The following SNAP47 variants were observed in gnomAD, a reference collection of about 807,000 sequenced individuals.
The protein encoded by SNAP47 is synaptosome associated protein 47, also known as synaptosomal-associated protein 47.
SNAP47 carries 20 observed loss-of-function variants against 31.4 expected under a neutral mutation model. The observed-to-expected ratio is 0.64, with a 90% CI of 0.45 to 0.93. SNAP47 has a LOEUF of 0.93. Among genes scored for constraint, SNAP47 ranks in the 40% least tolerant of loss-of-function variants. SNAP47 has a pLI of 0.00. For synonymous variants in SNAP47, 194 were observed against 213.4 expected, an observed-to-expected ratio of 0.91 and a Z score of 0.79; for missense variants, 492 against 528.5, an observed-to-expected ratio of 0.93 and a Z score of 0.68.
intron 4 of SNAP47, chr1:227,777,249 A>G (rs1664217099): frequency 5.8e-6 from 2 of 347,042 alleles, no homozygotes; most frequent in Non-Finnish European, 8.1e-6. Context: ...TGATCACATC[A>G]CAACCAGGGT....
At chr1:227,765,423 T>C (rs571771309) in intron 3 of SNAP47, among the ~76,000 whole-genome samples, 1 of 152,326 alleles carries the variant, frequency 6.6e-6, no homozygotes, top group Admixed American at 6.5e-5. Context: ...TCTTCCAGCC[T>C]AGCTTGGCCT....
chr1:227,731,701 GA>G (rs1660659116), upstream of SNAP47: 1 of 154,044 alleles, frequency 6.5e-6, no homozygotes, highest in Admixed American at 6.4e-5. Context: ...GCATCCTTGG[GA>G]AGACCCAGCT....
At chr1:227,743,028 G>C (rs955018919) in intron 1 of SNAP47, among the ~76,000 whole-genome samples, 4 of 152,172 alleles carry the variant, frequency 2.6e-5, no homozygotes, top group African/African-American at 9.7e-5. Context: ...CTGGGCCCTT[G>C]CTGTGACCCT....
upstream of SNAP47, chr1:227,735,428 G>C: frequency 7.2e-6 from 11 of 1,532,060 alleles, no homozygotes; most frequent in Admixed American, 4.0e-5. Context: ...GGCTCGCCGC[G>C]GTCTTCACTG....
At chr1:227,733,682 C>A, upstream of SNAP47, 1 of 1,600,032 alleles carries the variant, frequency 6.2e-7, no homozygotes, top group Non-Finnish European at 8.5e-7. Flanking sequence ...GAACGGGGAC[C>A]TGCGGCAGCA....
At chr1:227,767,184 A>G (rs1325282274) in intron 4 of SNAP47, 101 bp downstream of exon 4, 10 of 1,517,264 alleles carry the variant, frequency 6.6e-6, no homozygotes, top group Admixed American at 2.0e-5. Flanking sequence ...TGGGTCATCC[A>G]TCCGTATTGG....
chr1:227,750,541 C>T (rs1347331871), intron 2 of SNAP47, among the ~76,000 whole-genome samples: 1 of 152,240 alleles, frequency 6.6e-6, no homozygotes, highest in East Asian at 1.9e-4. Context: ...CAAGCTGGGA[C>T]TGGCCCTCTG....
intron 3 of SNAP47, among the ~76,000 whole-genome samples, chr1:227,761,275 T>G (rs1663043679): frequency 6.6e-6 from 1 of 152,210 alleles, no homozygotes; most frequent in Non-Finnish European, 1.5e-5. Context: ...TCCAGATGGC[T>G]TCAAGTTTCG....
upstream of SNAP47, chr1:227,732,970 ACATGTTGG>A (rs751642644): frequency 1.9e-6 from 3 of 1,613,300 alleles, no homozygotes; most frequent in Non-Finnish European, 2.5e-6. Context: ...AAGAAGCGCC[ACATGTTGG>A]CCAGGTTGAA....
Position 227,751,575 on chromosome 1 carries a change from A to T in SNAP47, c.497+3342A>T, listed in dbSNP as rs550451407. Reference sequence around the variant, plus strand: ...GGCCTTTGCCCACGCCGGTCCCTTCAGGTGCAGGCAGCCTTGGTGCCTTCC... The same window carrying T: ...GGCCTTTGCCCACGCCGGTCCCTTCTGGTGCAGGCAGCCTTGGTGCCTTCC... On this transcript the variant is annotated intron_variant, in intron 2 of 4. Coordinates refer to ENST00000617596, the MANE Select transcript of SNAP47 (RefSeq NM_053052.4). Among the ~76,000 whole-genome samples the T allele has an allele frequency of 2.6e-5, 4 of 152,288 alleles. No homozygotes were observed. In the South Asian group the frequency reaches 8.3e-4, roughly 32 times the overall value.
intron 4 of SNAP47, among the ~76,000 whole-genome samples, chr1:227,769,537 G>A (rs1253708712): frequency 6.6e-6 from 1 of 152,136 alleles, no homozygotes; most frequent in Non-Finnish European, 1.5e-5. Context: ...ATCCAGCTGT[G>A]GTTTTTGTTG....
chr1:227,747,722 C>G lies in SNAP47; in HGVS notation c.-15C>G. On this transcript the variant is annotated 5_prime_UTR_variant, in exon 2 of 5. Transcript: ENST00000617596. ...GAAGAGGCCTGGACCTTGGCGCACA[C>G]AGACCCAGGAACAGATGAGCAGGGA... is the stretch of plus-strand genomic sequence containing the variant. 6.2e-7 allele frequency: 1 copy of G among 1,608,584 alleles called. No individual in the cohort carries two copies. Among genetic ancestry groups the G allele is most frequent in the East Asian group, 2.2e-5 (1 of 44,666 alleles).
chr1:227,741,226 T>A lies in SNAP47; in HGVS notation c.-46+5727T>A, dbSNP rs375410639. On this transcript the variant is annotated intron_variant, in intron 1 of 4. Transcript: ENST00000617596. This position sits in a 1 kb window ranked among gnomAD's most constrained non-coding sequence, Gnocchi z 4.2. ...GGGAGGCAACGGCTTGGGGGTGATG[T>A]TGAGTTTCTGGCCTGTGTTGTCTCA... Among the ~76,000 whole-genome samples, 155 of 152,198 alleles carry A rather than the reference T, an allele frequency of 1.0e-3. No individual in the cohort carries two copies. Among genetic ancestry groups the A allele is most frequent in the African/African-American group, 3.6e-3 (148 of 41,504 alleles).
chr1:227,770,520 C>G (rs1663733362), intron 4 of SNAP47: 1 of 154,808 alleles, frequency 6.5e-6, no homozygotes, highest in Non-Finnish European at 1.5e-5. Flanking sequence ...TTCTATGAAA[C>G]TATTTTCAGA....
intron 2 of SNAP47, among the ~76,000 whole-genome samples, chr1:227,749,873 A>G (rs1443313557): frequency 6.6e-6 from 1 of 152,158 alleles, no homozygotes; most frequent in East Asian, 1.9e-4. Flanking sequence ...AGGTTTTTAC[A>G]TGCTTTCAAT....
chr1:227,733,173 AG>A, upstream of SNAP47: 1 of 998,598 alleles, frequency 1.0e-6, no homozygotes, highest in Middle Eastern at 3.0e-4. Flanking sequence ...CTTGCTCAGC[AG>A]GGAAGTGGGT....
At chr1:227,743,024 C>T (rs920951265) in intron 1 of SNAP47, among the ~76,000 whole-genome samples, 1 of 152,128 alleles carries the variant, frequency 6.6e-6, no homozygotes, top group Non-Finnish European at 1.5e-5. Flanking sequence ...CCCACTGGGC[C>T]CTTGCTGTGA....
chr1:227,752,865 T>G (rs1026567003), intron 2 of SNAP47, among the ~76,000 whole-genome samples: 1 of 152,226 alleles, frequency 6.6e-6, no homozygotes, highest in African/African-American at 2.4e-5. Context: ...CCTTGCTTTC[T>G]TGGTCAATGC....
At chr1:227,768,141 C>A in intron 4 of SNAP47, 1 of 287,322 alleles carries the variant, frequency 3.5e-6, no homozygotes, top group Non-Finnish European at 5.2e-6. Flanking sequence ...CATCCAGTAT[C>A]CAGGCAGTGC....
Sources: gnomAD v4.1 joint callset for allele counts (sites outside exome capture counted in the v4.1 genomes callset) on GRCh38, gnomAD v4.1.1 for gene constraint, Gnocchi (gnomAD v3.1) non-coding constraint, MANE v1.5 for transcripts, NCBI Gene and HGNC (gene_info 2026-07-23, HGNC 2026-07-21) for gene names.